Variants in SQSTM1 observed in about 807,000 individuals in gnomAD.
The protein encoded by SQSTM1 is sequestosome 1.
In SQSTM1, 36 loss-of-function variants were observed where a neutral mutation model predicts 45.1. The observed-to-expected ratio is 0.80, with a 90% CI of 0.61 to 1.05. SQSTM1 has a LOEUF of 1.05. Ranked by LOEUF, SQSTM1 falls within the 50% of genes least tolerant of loss-of-function variation. The pLI is 0.00. For missense variants in SQSTM1, 617 were observed against 607.1 expected (o/e 1.02, Z -0.17); for synonymous variants, 290 against 244.3 (o/e 1.19, Z -1.74).
At chr5:179,830,430 T>C (rs1398092273) in intron 5 of SQSTM1, among the ~76,000 whole-genome samples, 3 of 152,138 alleles carry the variant, frequency 2.0e-5, no homozygotes, top group Admixed American at 6.6e-5. Flanking sequence ...CGGGTCTCAC[T>C]GTCATCTGGG....
At chr5:179,808,647 C>G (rs1454705968) in intron 1 of SQSTM1, among the ~76,000 whole-genome samples, 1 of 151,016 alleles carries the variant, frequency 6.6e-6, no homozygotes, top group African/African-American at 2.4e-5. Flanking sequence ...GAAACCCCGT[C>G]TCTACTAAAA....
intron 4 of SQSTM1, 152 bp downstream of exon 4, chr5:179,824,475 T>C (rs55993594): frequency 8.5e-7 from 1 of 1,182,534 alleles, no homozygotes; most frequent in South Asian, 1.3e-5. Flanking sequence ...CCCTGCAAAG[T>C]GGGGTGTATT....
At position 179,837,952 on chromosome 5, in the gene SQSTM1, C is replaced by A; in HGVS notation, c.*1359C>A. ...TGCCAGGGCCCAGGAGGACCGCCTGCCCTGCCTGGGCCTTGGCTGGGCCTC... is the reference window on the plus strand; with the variant it reads ...TGCCAGGGCCCAGGAGGACCGCCTGACCTGCCTGGGCCTTGGCTGGGCCTC... On this transcript the variant is annotated 3_prime_UTR_variant, in exon 8 of 8. Transcript: ENST00000389805. 2 of 1,493,336 alleles carry A rather than the reference C, an allele frequency of 1.3e-6. No homozygotes were observed. Among genetic ancestry groups the A allele is most frequent in the South Asian group, 1.2e-5 (1 of 81,484 alleles). The allele number at this position is 1,493,336 out of a possible 1,614,324, so 92.5% of individuals were successfully genotyped here.
upstream of SQSTM1, chr5:179,820,599 C>T (rs2113478216): frequency 3.9e-6 from 1 of 255,414 alleles, no homozygotes; most frequent in Non-Finnish European, 7.5e-6. Flanking sequence ...AGGGGCTGGA[C>T]CCCCGCCAGT....
chr5:179,821,586 C>T (rs989647942), intron 1 of SQSTM1: 4 of 449,724 alleles, frequency 8.9e-6, no homozygotes, highest in African/African-American at 4.1e-5. Context: ...AGGAGCCGGG[C>T]GAGCGCCGGC....
At position 179,837,496 on chromosome 5, in the gene SQSTM1, A is replaced by G. The variant is rs777813552; in HGVS notation, c.*903A>G. The G allele has an allele frequency of 9.3e-6, 15 of 1,614,050 alleles. 1 individual carries two copies. In the African/African-American group the frequency reaches 1.7e-4, roughly 19 times the overall value. Reference sequence around the variant, plus strand: ...CCAGGGGCCCACCCTCTGCCCAGGGAGTCCTTGCGTCCCATGAGGTCTTCC... The same window carrying G: ...CCAGGGGCCCACCCTCTGCCCAGGGGGTCCTTGCGTCCCATGAGGTCTTCC... On this transcript the variant is annotated 3_prime_UTR_variant, in exon 8 of 8. Transcript: ENST00000389805.
At chr5:179,835,874 G>A in intron 7 of SQSTM1, 1 of 182,568 alleles carries the variant, frequency 5.5e-6, no homozygotes, top group South Asian at 1.1e-4. Context: ...AGTATTCCAT[G>A]GTGTATATAT....
intron 1 of SQSTM1, chr5:179,822,726 C>T (rs373995491): frequency 3.1e-5 from 18 of 587,800 alleles, no homozygotes; most frequent in Middle Eastern, 4.5e-4. Context: ...ACAGGCCCTC[C>T]GCCCCCTGCA....
rs1178467486 is a variant in SQSTM1 at position 179,837,933 on chromosome 5, G to A, written c.*1340G>A. On this transcript the variant is annotated 3_prime_UTR_variant, in exon 8 of 8. Coordinates refer to ENST00000389805, the MANE Select transcript of SQSTM1 (RefSeq NM_003900.5). ...CCTCCATGTGTAAGAACAATGCCAG[G>A]GCCCAGGAGGACCGCCTGCCCTGCC... 2 of 1,558,780 alleles carry A rather than the reference G, an allele frequency of 1.3e-6. No homozygotes were observed. The highest frequency in any genetic ancestry group is 1.7e-6 in the Non-Finnish European group (2 of 1,154,260).
Position 179,837,857 on chromosome 5 carries a change from T to C in SQSTM1, c.*1264T>C, listed in dbSNP as rs1207306086. The C allele has an allele frequency of 1.2e-6, 2 of 1,609,432 alleles. No homozygotes were observed. Among genetic ancestry groups the C allele is most frequent in the South Asian group, 1.1e-5 (1 of 91,076 alleles). The stretch of plus-strand genomic sequence containing the variant: ...CTGGAGGCAGGGGCTGCTGCCTTGT[T>C]TCACCTTCCATGTCAGGCCAGCCTG... On this transcript the variant is annotated 3_prime_UTR_variant, in exon 8 of 8. Coordinates refer to ENST00000389805, the MANE Select transcript of SQSTM1 (RefSeq NM_003900.5).
rs182058393 is a variant in SQSTM1 at position 179,836,584 on chromosome 5, G to T, written c.1314G>T (p.Pro438=). 6.2e-7 allele frequency: 1 copy of T among 1,614,072 alleles called. No homozygotes were observed. Among genetic ancestry groups the T allele is most frequent in the Non-Finnish European group, 8.5e-7 (1 of 1,180,016 alleles). Residue 438 remains proline (P), a synonymous_variant, in exon 8 of 8, where the codon CCG becomes CCT. Coordinates refer to ENST00000389805, the MANE Select transcript of SQSTM1 (RefSeq NM_003900.5). ...CCATCCAGTATTCAAAGCATCCCCC[G>T]CCGTTGTGACCACTTTTGCCCACCT... ...LDTIQYSKHP[P]PL
intron 5 of SQSTM1, among the ~76,000 whole-genome samples, chr5:179,831,804 A>ATTTTTT (rs1272518497): frequency 7.3e-6 from 1 of 136,326 alleles, no homozygotes; most frequent in Non-Finnish European, 1.6e-5. Context: ...TTTTTTTTTG[A>ATTTTTT]GATGGAGTCT....
At chr5:179,836,410 T>G (rs1469183900) in intron 7 of SQSTM1, 26 bp from the exon 8 acceptor site, 35 of 1,614,144 alleles carry the variant, frequency 2.2e-5, no homozygotes, top group Non-Finnish European at 2.7e-5. Flanking sequence ...GCACCACTCC[T>G]CATGGCTTCC....
At chr5:179,809,771 G>A (rs1757339463) in intron 1 of SQSTM1, among the ~76,000 whole-genome samples, 1 of 150,432 alleles carries the variant, frequency 6.6e-6, no homozygotes, top group South Asian at 2.1e-4. Flanking sequence ...AGCCACCTGA[G>A]TAGCTGAGAT....
intron 7 of SQSTM1, chr5:179,835,652 G>C (rs2063322053): frequency 6.5e-6 from 1 of 154,266 alleles, no homozygotes; most frequent in Admixed American, 6.4e-5. Context: ...TCCAGCTTTG[G>C]CTCGGCATCA....
At chr5:179,813,608 AC>A (rs1356925704) in intron 2 of SQSTM1, 3 of 151,892 alleles carry the variant, frequency 2.0e-5, no homozygotes, top group African/African-American at 7.3e-5. Flanking sequence ...TAAAAAAAAA[AC>A]AATAATAAAA....
upstream of SQSTM1, among the ~76,000 whole-genome samples, chr5:179,818,563 A>G (rs1288970978): frequency 6.6e-6 from 1 of 151,740 alleles, no homozygotes; most frequent in Non-Finnish European, 1.5e-5. Flanking sequence ...GAACCAGACC[A>G]CCCCTGTGGC....
upstream of SQSTM1, among the ~76,000 whole-genome samples, chr5:179,819,722 AG>A (rs1757702390): frequency 6.6e-6 from 1 of 152,188 alleles, no homozygotes; most frequent in African/African-American, 2.4e-5. Flanking sequence ...CGCCGGATGC[AG>A]GGAGAGGCCT....
chr5:179,832,560 T>C (rs900611715), intron 5 of SQSTM1, among the ~76,000 whole-genome samples: 2 of 152,160 alleles, frequency 1.3e-5, no homozygotes, highest in Non-Finnish European at 2.9e-5. Flanking sequence ...GCCTGCCACA[T>C]GTGGTATTGG....
Sources: allele counts gnomAD v4.1 joint callset (sites outside exome capture counted in the v4.1 genomes callset), GRCh38; gene constraint gnomAD v4.1.1; transcripts MANE v1.5; gene names NCBI Gene and HGNC (gene_info 2026-07-23, HGNC 2026-07-21).